The following CELF1 variants were observed in gnomAD, a reference collection of about 807,000 sequenced individuals.
The protein encoded by CELF1 is 50 kDa nuclear polyadenylated RNA-binding protein.
In CELF1, 10 loss-of-function variants were observed where a neutral mutation model predicts 61.8. That is an observed-to-expected ratio of 0.16 (90% CI 0.10 to 0.27). CELF1 has a LOEUF of 0.27. Among genes scored for constraint, CELF1 ranks in the 10% least tolerant of loss-of-function variants. CELF1 has a pLI of 1.00. For synonymous variants in CELF1, 236 were observed against 225.1 expected (o/e 1.05, Z -0.43); for missense variants, 380 against 639.1 (o/e 0.59, Z 4.37).
intron 1 of CELF1, among the ~76,000 whole-genome samples, chr11:47,531,017 C>T (rs1024716061): frequency 3.3e-5 from 5 of 151,752 alleles, no homozygotes; most frequent in African/African-American, 9.7e-5. Context: ...GAGGCCGAGG[C>T]GGATGGATTC....
At chr11:47,551,039 TA>T (rs10718787) in intron 1 of CELF1, among the ~76,000 whole-genome samples, 141,598 of 146,758 alleles carry the variant, frequency 0.96, 68,338 homozygotes, top group South Asian at 0.99. Flanking sequence ...TGATATTGTT[TA>T]AAAAAAAAAA....
chr11:47,547,941 A>G (rs1474208778), intron 1 of CELF1, among the ~76,000 whole-genome samples: 2 of 152,158 alleles, frequency 1.3e-5, no homozygotes, highest in East Asian at 1.9e-4. Flanking sequence ...AACATTTTGG[A>G]AAGATCACAG....
rs377607180 is a variant in CELF1 at position 47,507,461 on chromosome 11, CA to C, written c.-153-6530del. On this transcript the variant is annotated intron_variant, in intron 1 of 14. Coordinates refer to ENST00000687097, the MANE Select transcript of CELF1 (RefSeq NM_001376376.1). ...CTAGGGTGGCGGTGAACCACTGAAACAAAAAAAAAAATCAGAAGATGGGGAA... is the reference window on the plus strand; with the variant it reads ...CTAGGGTGGCGGTGAACCACTGAAACAAAAAAAAAATCAGAAGATGGGGAA... Among the ~76,000 whole-genome samples, 1,063 of 138,942 alleles carry C rather than the reference CA, an allele frequency of 7.7e-3. 10 individuals are homozygous for C. Among genetic ancestry groups the C allele is most frequent in the African/African-American group, 0.026 (988 of 38,020 alleles). The allele number at this position is 138,942 out of a possible 152,430, so 91.2% of individuals were successfully genotyped here. A position where few individuals can be genotyped will look rare whatever the true frequency, so the allele number is the denominator to read the frequency against.
At chr11:47,561,062 C>T (rs57828885) in intron 2 of CELF1, among the ~76,000 whole-genome samples, 30,322 of 145,364 alleles carry the variant, frequency 0.21, 3,579 homozygotes, top group African/African-American at 0.3. Flanking sequence ...GGCATGAGCC[C>T]GGGAGGCAGA....
At chr11:47,483,731 C>T (rs970550672) in intron 7 of CELF1, among the ~76,000 whole-genome samples, 199 bp from the exon 8 acceptor site, 3 of 151,978 alleles carry the variant, frequency 2.0e-5, no homozygotes, top group Non-Finnish European at 2.9e-5. Flanking sequence ...AAAAAAAATG[C>T]TTGACAGGAG....
rs763058410 is a variant in CELF1 at position 47,466,701 on chromosome 11, C to A, written c.*5529G>T. On this transcript the variant is annotated 3_prime_UTR_variant, in exon 15 of 15. Transcript: ENST00000687097. ...GAGAGAGAAAAGGAAAAGGAAACAA[C>A]GTCCAACATTTGGCATTTGGTTTTA... 1 of 152,172 alleles carries A rather than the reference C, an allele frequency of 6.6e-6. No individual in the cohort carries two copies. Among genetic ancestry groups the A allele is most frequent in the Admixed American group, 6.5e-5 (1 of 15,274 alleles). The allele number at this position is 152,172 out of a possible 1,614,324, so 9.4% of individuals were successfully genotyped here. A position where few individuals can be genotyped will look rare whatever the true frequency, so the allele number is the denominator to read the frequency against.
intron 1 of CELF1, among the ~76,000 whole-genome samples, chr11:47,527,878 C>G (rs1343417923): frequency 1.3e-5 from 2 of 152,046 alleles, no homozygotes; most frequent in South Asian, 2.1e-4. Context: ...GGTGGATCAC[C>G]TGAGGTGAGG....
chr11:47,481,081 GTTTTTTTTTTTTTTCTTCTTCTT>G (rs2082783539), intron 9 of CELF1, among the ~76,000 whole-genome samples: 12 of 92,870 alleles, frequency 1.3e-4, no homozygotes, highest in African/African-American at 3.4e-4. Flanking sequence ...ATAAACTGGG[GTTTTTTTTTTTTTTCTTCTTCTT>G]TTTTTTTTTT....
exon 1 of CELF1, chr11:47,565,481 A>T: frequency 1.4e-6 from 1 of 732,324 alleles, no homozygotes; most frequent in Non-Finnish European, 1.8e-6. Flanking sequence ...CCCAGAGTCC[A>T]GGCCAGTCCC....
chr11:47,565,517 A>T, upstream of CELF1: 1 of 1,003,800 alleles, frequency 1.0e-6, no homozygotes. Context: ...CGAGCCCGCG[A>T]GAGGCCTAGT....
chr11:47,550,145 T>C (rs930024502), intron 1 of CELF1, among the ~76,000 whole-genome samples: 5 of 152,006 alleles, frequency 3.3e-5, no homozygotes, highest in Non-Finnish European at 7.4e-5. Context: ...AATTTTAAAA[T>C]GTAGGCCAGG....
chr11:47,529,982 T>A (rs1015374108), intron 1 of CELF1, among the ~76,000 whole-genome samples: 4 of 151,826 alleles, frequency 2.6e-5, no homozygotes, highest in African/African-American at 9.7e-5. Context: ...TTGTAAAGAG[T>A]ATATAAAAGA....
At chr11:47,505,936 CAAA>C (rs71457222) in intron 1 of CELF1, among the ~76,000 whole-genome samples, 5 of 103,352 alleles carry the variant, frequency 4.8e-5, no homozygotes, top group Non-Finnish European at 3.9e-5. Context: ...ACTCTGTCTC[CAAA>C]AAAAAAAAAA....
At chr11:47,508,856 C>T (rs571915035) in intron 1 of CELF1, among the ~76,000 whole-genome samples, 18 of 152,088 alleles carry the variant, frequency 1.2e-4, no homozygotes, top group Non-Finnish European at 2.1e-4. Context: ...CTGCAACCTC[C>T]GCCTCCCAGG....
chr11:47,472,254 C>A lies in CELF1; in HGVS notation c.1521G>T (p.Ser507=). ...CTCAGTAGGGCTTGCTGTCATTCTT[C>A]GAACGTTTGAGCTGCACTTTAAGCC... is the stretch of plus-strand genomic sequence containing the variant. The part of the protein sequence containing the change: ...MKRLKVQLKR[S]KNDSKPY The change falls in exon 15 of 15, where the codon TCG becomes TCT. Residue 507 remains serine, a synonymous_variant. Coordinates refer to ENST00000687097, the MANE Select transcript of CELF1 (RefSeq NM_001376376.1). 6.2e-7 allele frequency: 1 copy of A among 1,614,156 alleles called. No homozygotes were observed. The highest frequency in any genetic ancestry group is 8.5e-7 in the Non-Finnish European group (1 of 1,179,998).
Position 47,470,482 on chromosome 11 carries a change from C to A in CELF1, c.*1748G>T, listed in dbSNP as rs1242051064. 2 of 152,098 alleles carry A rather than the reference C, an allele frequency of 1.3e-5. No homozygotes were observed. Among genetic ancestry groups the A allele is most frequent in the Non-Finnish European group, 2.9e-5 (2 of 68,034 alleles). 9.4% of individuals were successfully genotyped at this position (152,098 alleles called of 1,614,324 possible). A position where few individuals can be genotyped will look rare whatever the true frequency, so the allele number is the denominator to read the frequency against. ...ATGTTTCACGTTCCTTAGAGGACAA[C>A]AGACCCAAGTTATCACTATGAGAAA... On this transcript the variant is annotated 3_prime_UTR_variant, in exon 15 of 15. Coordinates refer to ENST00000687097, the MANE Select transcript of CELF1 (RefSeq NM_001376376.1).
chr11:47,553,886 C>G (rs2097193223), upstream of CELF1, among the ~76,000 whole-genome samples: 1 of 151,532 alleles, frequency 6.6e-6, no homozygotes, highest in Non-Finnish European at 1.5e-5. Flanking sequence ...ATCCCTGGGT[C>G]TAGATGGAAC....
chr11:47,549,905 C>T (rs189865011), intron 1 of CELF1, among the ~76,000 whole-genome samples: 2,441 of 152,038 alleles, frequency 0.016, 22 homozygotes, highest in Non-Finnish European at 0.025. Context: ...CAACCTCCAC[C>T]TCCTGGGCTC....
At chr11:47,502,725 G>A (rs897081873) in intron 1 of CELF1, among the ~76,000 whole-genome samples, 4 of 152,042 alleles carry the variant, frequency 2.6e-5, no homozygotes, top group Admixed American at 2.0e-4. Context: ...CCAGCTACTC[G>A]GGAGGCTGAG....
Sources: gnomAD v4.1 joint callset for allele counts (sites outside exome capture counted in the v4.1 genomes callset) on GRCh38, gnomAD v4.1.1 for gene constraint, MANE v1.5 for transcripts, NCBI Gene and HGNC (gene_info 2026-07-23, HGNC 2026-07-21) for gene names.